The following PLD5 variants were observed in gnomAD, a reference collection of about 807,000 sequenced individuals.
The protein encoded by PLD5 is inactive phospholipase D5.
Under a neutral mutation model 61.1 loss-of-function variants are expected in PLD5, and 36 were observed. The ratio of observed to expected loss-of-function variants is 0.59; its 90% CI spans 0.45 to 0.78. The LOEUF is 0.78. Among genes scored for constraint, PLD5 ranks in the 30% least tolerant of loss-of-function variants. PLD5 has a pLI of 0.00. For missense variants in PLD5, 515 were observed against 644.4 expected, an observed-to-expected ratio of 0.80 and a Z score of 2.17; for synonymous variants, 243 against 242.8, an observed-to-expected ratio of 1.00 and a Z score of -0.01.
At chr1:242,095,284 G>A (rs886800122) in intron 9 of PLD5, among the ~76,000 whole-genome samples, 1 of 152,174 alleles carries the variant, frequency 6.6e-6, no homozygotes, top group African/African-American at 2.4e-5. Flanking sequence ...CCAGGCTGGA[G>A]TGCACTGATG....
chr1:242,462,298 T>C (rs887214521), intron 1 of PLD5, among the ~76,000 whole-genome samples: 1 of 152,282 alleles, frequency 6.6e-6, no homozygotes, highest in Middle Eastern at 3.4e-3. Flanking sequence ...TGGAATACTA[T>C]GCAACCATAA....
chr1:242,415,077 C>A (rs143229876), intron 1 of PLD5, among the ~76,000 whole-genome samples: 1 of 152,232 alleles, frequency 6.6e-6, no homozygotes, highest in East Asian at 1.9e-4. Context: ...ATAACATTTG[C>A]AAAAATCCAA....
chr1:242,501,470 C>T (rs77460471), intron 1 of PLD5, among the ~76,000 whole-genome samples: 2,340 of 152,312 alleles, frequency 0.015, 31 homozygotes, highest in Non-Finnish European at 0.025. Flanking sequence ...CCTTCCTTAG[C>T]TTTGCCAGAT....
At chr1:242,300,827 C>T (rs139994605) in intron 2 of PLD5, among the ~76,000 whole-genome samples, 1 of 152,172 alleles carries the variant, frequency 6.6e-6, no homozygotes, top group Non-Finnish European at 1.5e-5. Context: ...GCGGTGGCAG[C>T]TTGAACCACC....
chr1:242,466,696 C>A (rs1164047514), intron 1 of PLD5, among the ~76,000 whole-genome samples: 1 of 152,084 alleles, frequency 6.6e-6, no homozygotes, highest in Non-Finnish European at 1.5e-5. Context: ...AGTTCGAGAC[C>A]AGCCTGGCCA....
chr1:242,447,516 C>T (rs1362463993), intron 1 of PLD5, among the ~76,000 whole-genome samples: 1 of 152,216 alleles, frequency 6.6e-6, no homozygotes, highest in African/African-American at 2.4e-5. Context: ...TAGGCAAAAG[C>T]TAGGTGGTCC....
intron 1 of PLD5, among the ~76,000 whole-genome samples, chr1:242,458,818 G>A (rs1408783021): frequency 2.6e-5 from 4 of 152,112 alleles, no homozygotes; most frequent in Non-Finnish European, 5.9e-5. Context: ...ACGGTATTTG[G>A]CTCCCCGTAG....
chr1:242,280,904 T>G (rs1338764951), intron 3 of PLD5, among the ~76,000 whole-genome samples: 4 of 152,210 alleles, frequency 2.6e-5, no homozygotes, highest in African/African-American at 9.6e-5. Context: ...ACTGTTTGCA[T>G]GATAAATGAA....
At chr1:242,405,115 C>T (rs774805993) in intron 1 of PLD5, among the ~76,000 whole-genome samples, 4 of 151,858 alleles carry the variant, frequency 2.6e-5, no homozygotes, top group Non-Finnish European at 4.4e-5. Context: ...TCCTGACCTC[C>T]AGTGATTCAC....
chr1:242,513,541 T>C (rs1056958798), intron 1 of PLD5, among the ~76,000 whole-genome samples: 1 of 152,238 alleles, frequency 6.6e-6, no homozygotes, highest in East Asian at 1.9e-4. Flanking sequence ...TTAGAAATGA[T>C]GACATGTAAA....
At chr1:242,194,742 C>T (rs1668528248) in intron 5 of PLD5, among the ~76,000 whole-genome samples, 1 of 151,932 alleles carries the variant, frequency 6.6e-6, no homozygotes, top group Non-Finnish European at 1.5e-5. Flanking sequence ...CTGGATGGGA[C>T]TGGAGATTAT....
At chr1:242,197,109 G>A (rs1355599891) in intron 5 of PLD5, among the ~76,000 whole-genome samples, 2 of 152,032 alleles carry the variant, frequency 1.3e-5, no homozygotes, top group East Asian at 1.9e-4. Context: ...GAGGATACGG[G>A]ACAACGAGGA....
In PLD5 at chr1:242,478,110, T is replaced by C. The variant is rs1231902094; in HGVS notation, c.189+45978A>G. Among the ~76,000 whole-genome samples, 4 of 152,348 alleles carry C rather than the reference T, an allele frequency of 2.6e-5. No homozygotes were observed. The East Asian group carries it at 7.7e-4, about 29-fold the overall frequency. ...GCACATACTTATAAAATAGCCCTTG[T>C]AGAATGCCATTAAATCTGGGCACAC... On this transcript the variant is annotated intron_variant, in intron 1 of 9. Transcript: ENST00000536534.
chr1:242,346,148 C>T (rs1832896), intron 2 of PLD5, among the ~76,000 whole-genome samples: 138,643 of 145,836 alleles, frequency 0.95, 66,179 homozygotes, highest in Non-Finnish European at 0.99. Flanking sequence ...TAATATTTTC[C>T]AGATGGTGGG....
At chr1:242,484,862 T>A (rs139623676) in intron 1 of PLD5, among the ~76,000 whole-genome samples, 6,580 of 152,260 alleles carry the variant, frequency 0.043, 223 homozygotes, top group Non-Finnish European at 0.057. Flanking sequence ...TTATCCACCA[T>A]GATCAAGTGG....
At chr1:242,437,556 G>A (rs35837440) in intron 1 of PLD5, among the ~76,000 whole-genome samples, 4,871 of 152,194 alleles carry the variant, frequency 0.032, 134 homozygotes, top group Admixed American at 0.078. Flanking sequence ...AATTAGCCAG[G>A]TGTGGTGGTG....
intron 1 of PLD5, among the ~76,000 whole-genome samples, chr1:242,373,533 G>A (rs6695788): frequency 0.91 from 138,195 of 152,216 alleles, 62,986 homozygotes; most frequent in South Asian, 0.95. Context: ...CACAATAGCA[G>A]AGACCTGGAA....
At chr1:242,326,328 T>C (rs1227900674) in intron 2 of PLD5, among the ~76,000 whole-genome samples, 3 of 152,170 alleles carry the variant, frequency 2.0e-5, no homozygotes, top group African/African-American at 7.2e-5. Context: ...GGCTGCTAAG[T>C]ATATGCATAC....
chr1:242,220,787 A>T (rs1480069355), intron 4 of PLD5, among the ~76,000 whole-genome samples: 1 of 149,024 alleles, frequency 6.7e-6, no homozygotes, highest in Non-Finnish European at 1.5e-5. Flanking sequence ...TCCAGGCTAG[A>T]GTACAGTGGT....
Sources: gnomAD v4.1 joint callset for allele counts (sites outside exome capture counted in the v4.1 genomes callset) on GRCh38, gnomAD v4.1.1 for gene constraint, MANE v1.5 for transcripts, NCBI Gene and HGNC (gene_info 2026-07-23, HGNC 2026-07-21) for gene names.